The following EYA2 variants were observed in gnomAD, a reference collection of about 807,000 sequenced individuals.
EYA2 encodes the protein protein phosphatase EYA2.
EYA2 carries 31 observed loss-of-function variants against 69.2 expected under a neutral mutation model. The ratio of observed to expected loss-of-function variants is 0.45; its 90% CI spans 0.34 to 0.60. The LOEUF (loss-of-function observed/expected upper bound fraction) is 0.60, where lower values mean the gene tolerates loss of function less well. Ranked by LOEUF, EYA2 falls within the 20% of genes least tolerant of loss-of-function variation. The pLI is 0.02. For synonymous variants in EYA2, 257 were observed against 279.4 expected (o/e 0.92, Z 0.80); for missense variants, 622 against 701.2 (o/e 0.89, Z 1.28).
intron 5 of EYA2, among the ~76,000 whole-genome samples, chr20:47,041,747 T>C (rs1333187297): frequency 6.6e-6 from 1 of 152,194 alleles, no homozygotes; most frequent in Non-Finnish European, 1.5e-5. Flanking sequence ...GTGCTCAGAT[T>C]GTTCTCCCTC....
At chr20:47,107,539 A>AG (rs2032621147) in intron 9 of EYA2, among the ~76,000 whole-genome samples, 2 of 148,172 alleles carry the variant, frequency 1.3e-5, no homozygotes, top group Non-Finnish European at 3.0e-5. Context: ...AAAAAAAAAA[A>AG]AAGAAAGAAA....
At chr20:46,900,498 A>T (rs930634640) in intron 1 of EYA2, among the ~76,000 whole-genome samples, 5 of 152,230 alleles carry the variant, frequency 3.3e-5, no homozygotes, top group Non-Finnish European at 7.3e-5. Flanking sequence ...TCATGGTAAG[A>T]TGTGGGTTTG....
intron 9 of EYA2, among the ~76,000 whole-genome samples, chr20:47,102,668 A>G (rs1311565399): frequency 1.3e-5 from 2 of 152,208 alleles, no homozygotes; most frequent in Non-Finnish European, 2.9e-5. Context: ...TCTGTTCCCA[A>G]TCAAGGGATG....
intron 1 of EYA2, among the ~76,000 whole-genome samples, chr20:46,981,000 A>G (rs2085724617): frequency 6.6e-6 from 1 of 152,140 alleles, no homozygotes; most frequent in African/African-American, 2.4e-5. Flanking sequence ...TTATCCATCC[A>G]TCAATTGGTG....
chr20:47,062,841 C>T (rs781663482), intron 5 of EYA2, among the ~76,000 whole-genome samples: 5 of 152,068 alleles, frequency 3.3e-5, no homozygotes, highest in Admixed American at 6.5e-5. Context: ...GGATTTGTTC[C>T]CTCAACTCCG....
chr20:47,144,011 A>G (rs1198883498), intron 10 of EYA2, among the ~76,000 whole-genome samples: 2 of 152,244 alleles, frequency 1.3e-5, no homozygotes, highest in Admixed American at 1.3e-4. Context: ...TCAGTAAGGA[A>G]ATCTTCTGGC....
intron 5 of EYA2, among the ~76,000 whole-genome samples, chr20:47,032,166 A>C (rs1268894654): frequency 4.6e-5 from 7 of 152,234 alleles, no homozygotes; most frequent in Non-Finnish European, 8.8e-5. Flanking sequence ...ATGTACCCTT[A>C]AAGCAAACCA....
chr20:47,164,482 AG>A (rs1358047491), intron 10 of EYA2, among the ~76,000 whole-genome samples: 1 of 152,032 alleles, frequency 6.6e-6, no homozygotes, highest in African/African-American at 2.4e-5. Flanking sequence ...TGGGGGGCGG[AG>A]GGGGTGTTTT....
At chr20:47,179,967 G>C in intron 13 of EYA2, 55 bp downstream of exon 13, 3 of 1,272,780 alleles carry the variant, frequency 2.4e-6, no homozygotes, top group Non-Finnish European at 3.4e-6. Context: ...GCAGTAGACA[G>C]TGGTGGCTCC....
chr20:46,911,630 A>G (rs1195394227), intron 1 of EYA2, among the ~76,000 whole-genome samples: 2 of 152,210 alleles, frequency 1.3e-5, no homozygotes, highest in Non-Finnish European at 2.9e-5. Context: ...TGCTACTTGC[A>G]AAAAGTTTGA....
intron 1 of EYA2, among the ~76,000 whole-genome samples, chr20:46,970,652 C>T (rs1456143555): frequency 1.3e-5 from 2 of 152,170 alleles, no homozygotes; most frequent in Non-Finnish European, 2.9e-5. Flanking sequence ...AAATAATAAA[C>T]TCTGCTACAT....
chr20:47,051,485 TG>T, intron 5 of EYA2, among the ~76,000 whole-genome samples: 1 of 152,342 alleles, frequency 6.6e-6, no homozygotes, highest in East Asian at 1.9e-4. Flanking sequence ...CAGACACTCC[TG>T]GGTTCTAATC....
intron 5 of EYA2, among the ~76,000 whole-genome samples, chr20:47,038,105 G>C (rs1207212533): frequency 6.6e-6 from 1 of 152,174 alleles, no homozygotes; most frequent in Non-Finnish European, 1.5e-5. Flanking sequence ...AAAATTCATA[G>C]TGTTTCTGAT....
intron 1 of EYA2, among the ~76,000 whole-genome samples, chr20:46,951,844 G>A (rs182264674): frequency 1.3e-5 from 2 of 152,300 alleles, no homozygotes; most frequent in Non-Finnish European, 1.5e-5. Flanking sequence ...GTGAAACAGG[G>A]ATAACAGGGT....
chr20:46,922,252 T>C (rs1985211126), intron 1 of EYA2, among the ~76,000 whole-genome samples: 1 of 152,136 alleles, frequency 6.6e-6, no homozygotes. Flanking sequence ...CAGAGAAAAC[T>C]CTTAACTACA....
intron 1 of EYA2, among the ~76,000 whole-genome samples, chr20:46,930,262 C>T (rs1232677182): frequency 6.6e-6 from 1 of 152,182 alleles, no homozygotes; most frequent in South Asian, 2.1e-4. Context: ...CTTTGGTTAA[C>T]ACTAAAACTT....
intron 5 of EYA2, among the ~76,000 whole-genome samples, chr20:47,059,165 G>A (rs2146449937): frequency 6.6e-6 from 1 of 152,310 alleles, no homozygotes; most frequent in East Asian, 1.9e-4. Flanking sequence ...CGAGGTGCAG[G>A]ATGGTGAGCG....
intron 1 of EYA2, among the ~76,000 whole-genome samples, chr20:46,919,208 T>C (rs1985068621): frequency 6.6e-6 from 1 of 152,246 alleles, no homozygotes; most frequent in Non-Finnish European, 1.5e-5. Flanking sequence ...GGCTTCAACT[T>C]AAAGTTATCA....
intron 9 of EYA2, among the ~76,000 whole-genome samples, chr20:47,097,931 A>G (rs1210338255): frequency 6.6e-6 from 1 of 152,154 alleles, no homozygotes; most frequent in African/African-American, 2.4e-5. Flanking sequence ...GAGGTGAGTG[A>G]CCCACTGGCA....
Sources: gnomAD v4.1 joint callset for allele counts (sites outside exome capture counted in the v4.1 genomes callset) on GRCh38, gnomAD v4.1.1 for gene constraint, MANE v1.5 for transcripts, NCBI Gene and HGNC (gene_info 2026-07-23, HGNC 2026-07-21) for gene names.